SPMAP2L: variants seen among roughly 807,000 people sequenced by gnomAD.
The protein encoded by SPMAP2L is sperm microtubule associated protein 2 like.
the SPMAP2L span, among the ~76,000 whole-genome samples, chr4:56,566,233 T>C: frequency 6.6e-6 from 1 of 152,116 alleles, no homozygotes; most frequent in African/African-American, 2.4e-5. Flanking sequence ...AGTTTTGCTC[T>C]TGTTGCCCAG....
the SPMAP2L span, among the ~76,000 whole-genome samples, chr4:56,534,942 A>AAAC: frequency 3.7e-4 from 56 of 152,104 alleles, 1 homozygote; most frequent in African/African-American, 1.2e-3. Context: ...CAACAACAAC[A>AAAC]AACAACAACA....
At chr4:56,578,247 A>G in the SPMAP2L span, among the ~76,000 whole-genome samples, 25,775 of 152,126 alleles carry the variant, frequency 0.17, 3,023 homozygotes, top group African/African-American at 0.33. Context: ...AGAGCTATAT[A>G]GGAGCAAAGT....
At chr4:56,568,948 A>T in the SPMAP2L span, among the ~76,000 whole-genome samples, 2 of 152,212 alleles carry the variant, frequency 1.3e-5, no homozygotes, top group African/African-American at 4.8e-5. Flanking sequence ...TTTGCTTAGC[A>T]CAATATTTTC....
the SPMAP2L span, chr4:56,575,769 T>TA: frequency 2.3e-6 from 2 of 880,390 alleles, no homozygotes; most frequent in African/African-American, 1.7e-5. Flanking sequence ...AAGCATCAGG[T>TA]AAAAAATCAA....
chr4:56,534,501 A>G, the SPMAP2L span, among the ~76,000 whole-genome samples: 1 of 152,204 alleles, frequency 6.6e-6, no homozygotes, highest in Non-Finnish European at 1.5e-5. Context: ...GGGTGAGGTC[A>G]TCAGTTCCAT....
the SPMAP2L span, among the ~76,000 whole-genome samples, chr4:56,579,125 T>C: frequency 6.6e-6 from 1 of 152,076 alleles, no homozygotes; most frequent in African/African-American, 2.4e-5. Flanking sequence ...AACACATGTC[T>C]ATGAAACCTC....
At chr4:56,606,515 CCTA>C in the SPMAP2L span, among the ~76,000 whole-genome samples, 6,549 of 152,120 alleles carry the variant, frequency 0.043, 332 homozygotes, top group African/African-American at 0.12. Flanking sequence ...TCATTTTTCT[CCTA>C]CTACCTGTGT....
the SPMAP2L span, chr4:56,596,764 G>T: frequency 9.9e-7 from 1 of 1,014,288 alleles, no homozygotes; most frequent in East Asian, 3.1e-5. Flanking sequence ...GGCAGGAAGA[G>T]AGACTAGCTA....
the SPMAP2L span, among the ~76,000 whole-genome samples, chr4:56,571,239 T>G: frequency 6.6e-6 from 1 of 152,068 alleles, no homozygotes. Context: ...CTTATTATCA[T>G]TTTTTAATCC....
the SPMAP2L span, among the ~76,000 whole-genome samples, chr4:56,603,760 A>G: frequency 6.6e-6 from 1 of 152,170 alleles, no homozygotes; most frequent in Non-Finnish European, 1.5e-5. Flanking sequence ...GTGTTATTTC[A>G]GCATCCCCTT....
the SPMAP2L span, among the ~76,000 whole-genome samples, chr4:56,614,748 G>A: frequency 3.6e-4 from 54 of 152,076 alleles, 2 homozygotes; most frequent in Non-Finnish European, 1.0e-4. Flanking sequence ...CATGGCACAG[G>A]GTATATACTC....
the SPMAP2L span, among the ~76,000 whole-genome samples, chr4:56,622,977 G>C: frequency 6.6e-6 from 1 of 152,238 alleles, no homozygotes; most frequent in African/African-American, 2.4e-5. Flanking sequence ...GGGATAATGG[G>C]AGGGAAGGCA....
At chr4:56,623,125 G>T in the SPMAP2L span, among the ~76,000 whole-genome samples, 2 of 152,074 alleles carry the variant, frequency 1.3e-5, no homozygotes, top group Non-Finnish European at 2.9e-5. Context: ...CTTTGATGAG[G>T]CTCCTTTAAT....
the SPMAP2L span, among the ~76,000 whole-genome samples, chr4:56,600,199 C>A: frequency 6.7e-6 from 1 of 148,360 alleles, no homozygotes; most frequent in Admixed American, 6.8e-5. Flanking sequence ...CTCACCTCAG[C>A]CTCCCAAAGT....
chr4:56,604,384 G>A, the SPMAP2L span, among the ~76,000 whole-genome samples: 2 of 152,120 alleles, frequency 1.3e-5, no homozygotes, highest in Non-Finnish European at 2.9e-5. Flanking sequence ...CTGTGGCTAG[G>A]CACAGTGGCT....
chr4:56,573,273 C>T, the SPMAP2L span, among the ~76,000 whole-genome samples: 4 of 152,126 alleles, frequency 2.6e-5, no homozygotes, highest in Non-Finnish European at 5.9e-5. Context: ...TCTTCATAAT[C>T]ACCATATATT....
chr4:56,601,686 C>G, the SPMAP2L span, among the ~76,000 whole-genome samples: 2 of 152,038 alleles, frequency 1.3e-5, no homozygotes, highest in Non-Finnish European at 2.9e-5. Context: ...ATTGCTTGAG[C>G]CCAGGAGTTT....
chr4:56,593,937 A>G, the SPMAP2L span: 5 of 1,608,488 alleles, frequency 3.1e-6, no homozygotes, highest in Non-Finnish European at 4.3e-6. Context: ...CGAGCAGGGC[A>G]TCAACTCCAG....
chr4:56,596,703 A>G, the SPMAP2L span: 1 of 1,383,462 alleles, frequency 7.2e-7, no homozygotes. Context: ...TTGCCTCTAC[A>G]GGGCATAGCC....
Sources: gnomAD v4.1 joint callset for allele counts (sites outside exome capture counted in the v4.1 genomes callset) on GRCh38, gnomAD v4.1.1 for gene constraint, MANE v1.5 for transcripts, NCBI Gene and HGNC (gene_info 2026-07-23, HGNC 2026-07-21) for gene names.